Variants in BABAM2 observed in about 807,000 individuals in gnomAD.
BABAM2 encodes BRISC and BRCA1 A complex member 2, also known as BRISC and BRCA1-A complex member 2.
Under a neutral mutation model 54.7 loss-of-function variants are expected in BABAM2, and 31 were observed. The observed-to-expected ratio is 0.57, with a 90% CI of 0.43 to 0.77. BABAM2 has a LOEUF of 0.77. Among genes scored for constraint, BABAM2 ranks in the 30% least tolerant of loss-of-function variants. BABAM2 has a pLI of 0.00. For synonymous variants in BABAM2, 167 were observed against 162.9 expected (o/e 1.03, Z -0.19); for missense variants, 364 against 455.8 (o/e 0.80, Z 1.83).
chr2:28,013,406 A>G (rs949103319), intron 4 of BABAM2: 1 of 455,648 alleles, frequency 2.2e-6, no homozygotes, highest in Non-Finnish European at 4.4e-6. Flanking sequence ...GGCATTTTGA[A>G]AAGTTCAGAC....
At chr2:28,025,714 TATG>T (rs1437696408) in intron 5 of BABAM2, among the ~76,000 whole-genome samples, 2 of 152,156 alleles carry the variant, frequency 1.3e-5, no homozygotes, top group African/African-American at 4.8e-5. Context: ...TCCATGTTGT[TATG>T]ATGTATGTGG....
chr2:28,127,967 C>T (rs1454747715), intron 6 of BABAM2, among the ~76,000 whole-genome samples: 7 of 151,882 alleles, frequency 4.6e-5, no homozygotes, highest in South Asian at 4.2e-4. Context: ...CCACCACGCC[C>T]GGCTAATTTT....
At chr2:28,337,233 G>C (rs1691547865) in intron 11 of BABAM2, among the ~76,000 whole-genome samples, 1 of 152,106 alleles carries the variant, frequency 6.6e-6, no homozygotes, top group South Asian at 2.1e-4. Flanking sequence ...TTCCTCTGCA[G>C]CCCCTCCCTT....
At chr2:28,336,631 A>G (rs1382524854) in intron 11 of BABAM2, among the ~76,000 whole-genome samples, 1 of 152,228 alleles carries the variant, frequency 6.6e-6, no homozygotes, top group Non-Finnish European at 1.5e-5. Flanking sequence ...GAGAGCTTCC[A>G]GAGAGAGGAG....
At chr2:28,132,642 A>T (rs183021000) in intron 7 of BABAM2, among the ~76,000 whole-genome samples, 68 of 152,204 alleles carry the variant, frequency 4.5e-4, no homozygotes, top group African/African-American at 1.6e-3. Flanking sequence ...TTCCTGTTGA[A>T]ATACTATACT....
At chr2:28,275,001 C>T (rs1442562636) in intron 10 of BABAM2, among the ~76,000 whole-genome samples, 1 of 152,176 alleles carries the variant, frequency 6.6e-6, no homozygotes, top group African/African-American at 2.4e-5. Context: ...AGAATTCAGA[C>T]GACTCCAGCT....
intron 2 of BABAM2, among the ~76,000 whole-genome samples, chr2:27,928,165 G>T (rs1034153570): frequency 4.6e-5 from 7 of 152,082 alleles, no homozygotes; most frequent in African/African-American, 1.7e-4. Context: ...ACAGGTGCGT[G>T]CCACCATGCC....
chr2:28,251,704 A>G (rs1216080572), intron 10 of BABAM2, among the ~76,000 whole-genome samples: 1 of 152,234 alleles, frequency 6.6e-6, no homozygotes. Context: ...TACAGTTCAC[A>G]TCTTTATATA....
At chr2:28,215,697 CT>C (rs1679860288) in intron 7 of BABAM2, among the ~76,000 whole-genome samples, 2 of 152,264 alleles carry the variant, frequency 1.3e-5, no homozygotes, top group South Asian at 4.1e-4. Flanking sequence ...CCATTTCCCT[CT>C]GTCTTTCTCA....
chr2:28,138,339 C>T (rs1312436856), intron 7 of BABAM2, among the ~76,000 whole-genome samples: 3 of 151,974 alleles, frequency 2.0e-5, no homozygotes, highest in Non-Finnish European at 4.4e-5. Flanking sequence ...CTGTACAACA[C>T]CAGAGATTAA....
chr2:28,143,874 C>G (rs1242544805), intron 7 of BABAM2, among the ~76,000 whole-genome samples: 4 of 152,174 alleles, frequency 2.6e-5, no homozygotes, highest in Non-Finnish European at 5.9e-5. Context: ...TACCTGAGTT[C>G]TGAAGTTCAT....
chr2:28,052,275 GTTTTTTTTTTGCTT>G (rs1448613822), intron 6 of BABAM2, among the ~76,000 whole-genome samples: 3 of 142,698 alleles, frequency 2.1e-5, no homozygotes, highest in African/African-American at 7.7e-5. Flanking sequence ...CATAGAGAAG[GTTTTTTTTTTGCTT>G]TTTTTTTTTT....
At chr2:28,089,274 A>G (rs947479818) in intron 6 of BABAM2, among the ~76,000 whole-genome samples, 3 of 152,182 alleles carry the variant, frequency 2.0e-5, no homozygotes, top group African/African-American at 7.2e-5. Flanking sequence ...TAAAGCGCGG[A>G]AAGCCAAACC....
chr2:28,108,883 A>C (rs1006260590), intron 6 of BABAM2, among the ~76,000 whole-genome samples: 2 of 152,098 alleles, frequency 1.3e-5, no homozygotes, highest in African/African-American at 4.8e-5. Context: ...TTTTGGTTTC[A>C]TCTCTGTATC....
Position 28,024,172 on chromosome 2 carries a change from A to G in BABAM2, c.301-1054A>G, listed in dbSNP as rs542796848. On this transcript the variant is annotated intron_variant, in intron 4 of 11. Transcript: ENST00000379624. ...CTAATCCCAGCACTTTGGGAGGCCG[A>G]GGCGGGCGGATCATGAGGTCAGGAG... Among the ~76,000 whole-genome samples, 7 of 152,294 alleles carry G rather than the reference A, an allele frequency of 4.6e-5. No homozygotes were observed. The South Asian group carries it at 1.5e-3, about 32-fold the overall frequency.
chr2:28,106,260 A>C (rs1196488335), intron 6 of BABAM2, among the ~76,000 whole-genome samples: 1 of 152,166 alleles, frequency 6.6e-6, no homozygotes, highest in African/African-American at 2.4e-5. Context: ...TAGCAGAAGA[A>C]TTCAGTTTAG....
intron 3 of BABAM2, among the ~76,000 whole-genome samples, chr2:27,944,775 G>A (rs996719047): frequency 2.0e-5 from 3 of 152,084 alleles, no homozygotes; most frequent in African/African-American, 7.2e-5. Flanking sequence ...TTAGCTGAGT[G>A]TATGCTTAAC....
At chr2:27,908,607 T>G (rs1381261717) in intron 2 of BABAM2, among the ~76,000 whole-genome samples, 1 of 152,122 alleles carries the variant, frequency 6.6e-6, no homozygotes, top group Non-Finnish European at 1.5e-5. Flanking sequence ...GCTCCCTCCT[T>G]TCCTCCCCTC....
chr2:28,248,226 T>TTTTTTTTTTTTTTTTTA, intron 10 of BABAM2, among the ~76,000 whole-genome samples: 1 of 135,940 alleles, frequency 7.4e-6, no homozygotes, highest in Non-Finnish European at 1.6e-5. Flanking sequence ...TTTTTTTTTT[T>TTTTTTTTTTTTTTTTTA]GAGACGGAGT....
Sources: allele counts gnomAD v4.1 joint callset (sites outside exome capture counted in the v4.1 genomes callset), GRCh38; gene constraint gnomAD v4.1.1; transcripts MANE v1.5; gene names NCBI Gene and HGNC (gene_info 2026-07-23, HGNC 2026-07-21).